ACSL3: variants seen among roughly 807,000 people sequenced by gnomAD.
The protein encoded by ACSL3 is fatty acid CoA ligase Acsl3.
In ACSL3, 34 loss-of-function variants were observed where a neutral mutation model predicts 84.7. The observed-to-expected ratio is 0.40, with a 90% confidence interval of 0.31 to 0.53. The LOEUF is 0.53. Ranked by LOEUF, ACSL3 falls within the 20% of genes least tolerant of loss-of-function variation. The probability of loss-of-function intolerance (pLI) is 0.48; values close to 1 mark genes in which losing one functional copy is unlikely to be tolerated. For synonymous variants in ACSL3, 315 were observed against 299.4 expected (o/e 1.05, Z -0.54); for missense variants, 680 against 873.1 (o/e 0.78, Z 2.79).
intron 3 of ACSL3, among the ~76,000 whole-genome samples, chr2:222,903,942 TAAAAA>T (rs11315051): frequency 2.0e-5 from 3 of 150,768 alleles, no homozygotes; most frequent in Non-Finnish European, 4.4e-5. Context: ...CCTGAATAGT[TAAAAA>T]AAAAAAGCCC....
intron 1 of ACSL3, among the ~76,000 whole-genome samples, chr2:222,882,392 A>G (rs1365686090): frequency 6.6e-6 from 1 of 152,142 alleles, no homozygotes; most frequent in Non-Finnish European, 1.5e-5. Context: ...TTACTTCTTT[A>G]TAACAGCGAT....
intron 3 of ACSL3, among the ~76,000 whole-genome samples, chr2:222,906,080 A>G (rs575421910): frequency 6.6e-6 from 1 of 152,200 alleles, no homozygotes; most frequent in South Asian, 2.1e-4. Flanking sequence ...TTTAGATAGT[A>G]TTTTGTAGCA....
chr2:222,899,652 T>C (rs1477711500), intron 2 of ACSL3, among the ~76,000 whole-genome samples: 1 of 152,010 alleles, frequency 6.6e-6, no homozygotes, highest in Non-Finnish European at 1.5e-5. Context: ...GAATAGCTAC[T>C]CCATAGACAG....
In ACSL3 at chr2:222,892,921, A is replaced by G. The variant is rs991704921; in HGVS notation, c.-148+5033A>G. ...CCATTTATTGCAAGCTTGGTGAAAA[A>G]TTCCAGCCACATTTCATACTAGCAA... On this transcript the variant is annotated intron_variant, in intron 2 of 16. Coordinates refer to ENST00000357430, the MANE Select transcript of ACSL3 (RefSeq NM_004457.5). Among the ~76,000 whole-genome samples, 6 of 152,162 alleles carry G rather than the reference A, an allele frequency of 3.9e-5. No homozygotes were observed. The East Asian group carries it at 1.2e-3, about 29-fold the overall frequency.
intron 4 of ACSL3, among the ~76,000 whole-genome samples, chr2:222,914,227 G>A (rs1004529203): frequency 1.7e-4 from 23 of 131,708 alleles, no homozygotes; most frequent in African/African-American, 6.2e-4. Context: ...TGGAAGGTGT[G>A]TGTGTACGTG....
rs1697337135 is a variant in ACSL3 at position 222,942,452 on chromosome 2, A to C, written c.*798A>C. On this transcript the variant is annotated 3_prime_UTR_variant, in exon 17 of 17. Transcript: ENST00000357430. ...TTCTGTTCATCTGTTGAAACTAGGAAAATACCCAAACTTAAATGGAAGAAT... is the reference window on the plus strand; with the variant it reads ...TTCTGTTCATCTGTTGAAACTAGGACAATACCCAAACTTAAATGGAAGAAT... 1 of 192,918 alleles carries C rather than the reference A, an allele frequency of 5.2e-6. No individual in the cohort carries two copies. Among genetic ancestry groups the C allele is most frequent in the African/African-American group, 2.3e-5 (1 of 43,182 alleles). 12.0% of individuals were successfully genotyped at this position (192,918 alleles called of 1,614,324 possible).
intron 8 of ACSL3, 21 bp downstream of exon 8, chr2:222,921,451 A>G: frequency 6.4e-7 from 1 of 1,560,980 alleles, no homozygotes; most frequent in Non-Finnish European, 8.8e-7. Context: ...GTAAAGTAAC[A>G]TTGAGTAGTT....
chr2:222,870,995 G>A (rs1011002877), intron 1 of ACSL3, among the ~76,000 whole-genome samples: 1 of 152,076 alleles, frequency 6.6e-6, no homozygotes, highest in Non-Finnish European at 1.5e-5. Flanking sequence ...GGGGGAGAGG[G>A]GACTAGAGAC....
At position 222,881,577 on chromosome 2, in the gene ACSL3, T is replaced by C. The variant is rs369891672; in HGVS notation, c.-206-6253T>C. Among the ~76,000 whole-genome samples the C allele has an allele frequency of 2.6e-5, 4 of 152,254 alleles. No individual in the cohort carries two copies. The South Asian group carries it at 8.3e-4, about 32-fold the overall frequency. On this transcript the variant is annotated intron_variant, in intron 1 of 16. Transcript: ENST00000357430. ...TGTCGCCCAGGCTGGAGTGCAATGGTGCGATCTTGGTTTACTGCAACCTCC... is the reference window on the plus strand; with the variant it reads ...TGTCGCCCAGGCTGGAGTGCAATGGCGCGATCTTGGTTTACTGCAACCTCC...
chr2:222,868,402 A>T (rs1413206980), intron 1 of ACSL3, among the ~76,000 whole-genome samples: 1 of 152,232 alleles, frequency 6.6e-6, no homozygotes, highest in African/African-American at 2.4e-5. Flanking sequence ...TGTCTGGCAT[A>T]GTCATTACTC....
chr2:222,906,284 A>G (rs1696293037), intron 3 of ACSL3, among the ~76,000 whole-genome samples: 1 of 152,170 alleles, frequency 6.6e-6, no homozygotes, highest in Non-Finnish European at 1.5e-5. Context: ...TTCTTGAGAG[A>G]TGATAGCCGA....
At chr2:222,912,131 A>G (rs190338862) in intron 4 of ACSL3, among the ~76,000 whole-genome samples, 4 of 152,346 alleles carry the variant, frequency 2.6e-5, no homozygotes, top group African/African-American at 7.2e-5. Context: ...ATTAATTTTT[A>G]GATTTTGCAT....
chr2:222,883,669 C>T (rs984488262), intron 1 of ACSL3, among the ~76,000 whole-genome samples: 1 of 148,002 alleles, frequency 6.8e-6, no homozygotes, highest in African/African-American at 2.5e-5. Flanking sequence ...TTTCTGCTTG[C>T]AAAATGCTTC....
In ACSL3 at chr2:222,919,126, C is replaced by G. The variant is rs1252813313; in HGVS notation, c.729C>G (p.Thr243=). Residue 243 remains threonine, a synonymous_variant, in exon 7 of 17, where the codon ACC becomes ACG. Coordinates refer to ENST00000357430, the MANE Select transcript of ACSL3 (RefSeq NM_004457.5). ...TCACTGTTGATGGAAAGCCACCGAC[C>G]TGGTCCGAGTTCCCCAAGGGCATCA... ...HIITVDGKPP[T]WSEFPKGIIV... 1 of 1,614,148 alleles carries G rather than the reference C, an allele frequency of 6.2e-7. No homozygotes were observed. Among genetic ancestry groups the G allele is most frequent in the East Asian group, 2.2e-5 (1 of 44,870 alleles).
intron 12 of ACSL3, among the ~76,000 whole-genome samples, chr2:222,928,617 A>G (rs953999687): frequency 6.6e-6 from 1 of 151,000 alleles, no homozygotes; most frequent in Non-Finnish European, 1.5e-5. Context: ...TACATCTAAA[A>G]TTTCCTGATT....
intron 11 of ACSL3, among the ~76,000 whole-genome samples, chr2:222,925,342 CAAAAAAAAAA>C (rs34016050): frequency 1.2e-5 from 1 of 85,498 alleles, no homozygotes; most frequent in Non-Finnish European, 2.4e-5. Flanking sequence ...ACTCTTGTCT[CAAAAAAAAAA>C]AAAAAAAAAA....
At position 222,943,868 on chromosome 2, in the gene ACSL3, A is replaced by G. The variant is rs566225516; in HGVS notation, c.*2214A>G. 28 of 152,278 alleles carry G rather than the reference A, an allele frequency of 1.8e-4. No homozygotes were observed. The highest frequency in any genetic ancestry group is 6.7e-4 in the African/African-American group (28 of 41,580). The allele number at this position is 152,278 out of a possible 1,614,324, so 9.4% of individuals were successfully genotyped here. On this transcript the variant is annotated 3_prime_UTR_variant, in exon 17 of 17. Coordinates refer to ENST00000357430, the MANE Select transcript of ACSL3 (RefSeq NM_004457.5). Reference sequence around the variant, plus strand: ...TAACCAGGAGATATTTGGGGAGCAAAATTTTAAGGAATTTCAAATTGCTAA... The same window carrying G: ...TAACCAGGAGATATTTGGGGAGCAAGATTTTAAGGAATTTCAAATTGCTAA...
At chr2:222,873,317 T>G (rs1695356218) in intron 1 of ACSL3, among the ~76,000 whole-genome samples, 1 of 151,156 alleles carries the variant, frequency 6.6e-6, no homozygotes, top group South Asian at 2.1e-4. Context: ...TCAGCTAGAT[T>G]GGATATTATT....
intron 3 of ACSL3, 92 bp from the exon 4 acceptor site, chr2:222,908,641 G>GA (rs199971758): frequency 0.021 from 14,218 of 667,856 alleles, 2 homozygotes; most frequent in East Asian, 0.029. Context: ...CTGCCTGATA[G>GA]AAAAAAAAAA....
Sources: allele counts gnomAD v4.1 joint callset (sites outside exome capture counted in the v4.1 genomes callset), GRCh38; gene constraint gnomAD v4.1.1; transcripts MANE v1.5; gene names NCBI Gene and HGNC (gene_info 2026-07-23, HGNC 2026-07-21).